Variants in PLXNC1 observed in about 807,000 individuals in gnomAD.
The protein encoded by PLXNC1 is plexin C1.
In PLXNC1, 75 loss-of-function variants were observed where a neutral mutation model predicts 178.2. The ratio of observed to expected loss-of-function variants is 0.42; its 90% CI spans 0.35 to 0.51. PLXNC1 has a LOEUF of 0.51. Ranked by LOEUF, PLXNC1 falls within the 20% of genes least tolerant of loss-of-function variation. The probability of loss-of-function intolerance (pLI) is 0.02; values close to 1 mark genes in which losing one functional copy is unlikely to be tolerated. For synonymous variants in PLXNC1, 790 were observed against 779.9 expected, an observed-to-expected ratio of 1.01 and a Z score of -0.22; for missense variants, 1,503 against 1,984.4, an observed-to-expected ratio of 0.76 and a Z score of 4.61.
At chr12:94,181,412 A>G in intron 2 of PLXNC1, 34 bp from the exon 3 acceptor site, 17 of 1,219,130 alleles carry the variant, frequency 1.4e-5, no homozygotes, top group Non-Finnish European at 2.0e-5. Context: ...TATTAAATAG[A>G]AATCATGTTT....
At chr12:94,194,628 C>G (rs1346471307) in intron 4 of PLXNC1, among the ~76,000 whole-genome samples, 1 of 152,094 alleles carries the variant, frequency 6.6e-6, no homozygotes, top group Non-Finnish European at 1.5e-5. Flanking sequence ...GTGGCGCATG[C>G]CTGTGGTCCC....
chr12:94,165,448 C>T (rs1961574053), intron 1 of PLXNC1, among the ~76,000 whole-genome samples: 2 of 152,188 alleles, frequency 1.3e-5, no homozygotes, highest in Admixed American at 1.3e-4. Flanking sequence ...TCCAAGCCTC[C>T]TCTCCTGTTT....
chr12:94,212,811 C>T (rs1191725112), intron 5 of PLXNC1, among the ~76,000 whole-genome samples: 1 of 151,750 alleles, frequency 6.6e-6, no homozygotes, highest in Non-Finnish European at 1.5e-5. Context: ...GCTCCGCCTC[C>T]CAGGTTCATG....
intron 4 of PLXNC1, among the ~76,000 whole-genome samples, chr12:94,191,860 G>A (rs1388191270): frequency 6.6e-6 from 1 of 151,940 alleles, no homozygotes; most frequent in Non-Finnish European, 1.5e-5. Context: ...TTTTATTGTT[G>A]GAACCTCAGA....
chr12:94,247,828 G>A, intron 12 of PLXNC1, 75 bp from the exon 13 acceptor site: 4 of 1,344,862 alleles, frequency 3.0e-6, no homozygotes, highest in Non-Finnish European at 4.2e-6. Context: ...AAGTTGCTCA[G>A]GTCACTTAGC....
chr12:94,209,600 C>T lies in PLXNC1; in HGVS notation c.1450C>T (p.Gln484Ter), dbSNP rs975803594. The change falls in exon 5 of 31, where the codon CAA (glutamine) becomes TAA (stop). Residue 484 changes from glutamine to a stop codon, truncating the protein, a stop_gained. Coordinates refer to ENST00000258526, the MANE Select transcript of PLXNC1 (RefSeq NM_005761.3). LOFTEE classifies it high-confidence loss of function. ...GCCTCGTTTTTTTAGGTGCACTTTT[C>T]AAGGAGATTGTGTACATTCAGAGAA... ...WCHSLQRCTFQGDCVHSENLE... is the reference protein window; with the variant it reads ...WCHSLQRCTF The T allele has an allele frequency of 6.3e-7, 1 of 1,582,822 alleles. No individual in the cohort carries two copies. The highest frequency in any genetic ancestry group is 8.6e-7 in the Non-Finnish European group (1 of 1,160,394).
At chr12:94,262,629 G>A in intron 20 of PLXNC1, 1 of 985,414 alleles carries the variant, frequency 1.0e-6, no homozygotes, top group Non-Finnish European at 1.2e-6. Context: ...ACTTTCAGTG[G>A]AATAATTCCC....
At chr12:94,190,871 A>G (rs1962695055) in intron 4 of PLXNC1, among the ~76,000 whole-genome samples, 1 of 152,088 alleles carries the variant, frequency 6.6e-6, no homozygotes, top group Admixed American at 6.6e-5. Flanking sequence ...ATTCTTCCCC[A>G]CATCTTTCTA....
At chr12:94,293,936 T>C (rs1300841890) in intron 23 of PLXNC1, among the ~76,000 whole-genome samples, 2 of 152,040 alleles carry the variant, frequency 1.3e-5, no homozygotes, top group East Asian at 1.9e-4. Flanking sequence ...TCTCTTCTTA[T>C]AAGGGCACTA....
intron 4 of PLXNC1, among the ~76,000 whole-genome samples, chr12:94,193,230 C>T (rs1962787507): frequency 6.6e-6 from 1 of 152,114 alleles, no homozygotes; most frequent in Non-Finnish European, 1.5e-5. Flanking sequence ...AAAAGTGCGA[C>T]CAGATCAGGT....
At chr12:94,245,455 A>G (rs1230595989) in intron 12 of PLXNC1, among the ~76,000 whole-genome samples, 1 of 152,110 alleles carries the variant, frequency 6.6e-6, no homozygotes, top group Non-Finnish European at 1.5e-5. Context: ...CCAAGGCGGG[A>G]AGACTGCTTG....
intron 3 of PLXNC1, among the ~76,000 whole-genome samples, chr12:94,183,511 G>T (rs73222673): frequency 6.6e-6 from 1 of 152,172 alleles, no homozygotes. Context: ...TATCAAGGGC[G>T]TCTCAAAACT....
At chr12:94,169,031 T>G (rs559053184) in intron 1 of PLXNC1, 122 bp from the exon 2 acceptor site, 1 of 857,622 alleles carries the variant, frequency 1.2e-6, no homozygotes, top group Non-Finnish European at 1.8e-6. Context: ...TAAGAGAATA[T>G]ATGTGGGGCC....
Position 94,149,404 on chromosome 12 carries a change from A to G in PLXNC1, c.433A>G (p.Asn145Asp), listed in dbSNP as rs1336385163. 1.3e-5 allele frequency: 18 copies of G among 1,433,108 alleles called. No homozygotes were observed. The highest frequency in any genetic ancestry group is 1.5e-5 in the Non-Finnish European group (16 of 1,103,450). 88.8% of individuals were successfully genotyped at this position (1,433,108 alleles called of 1,614,324 possible). A position where few individuals can be genotyped will look rare whatever the true frequency, so the allele number is the denominator to read the frequency against. ...GCGGCCCCTGGGCAACCTGAGCCGC[A>G]ACTCCCTGCGCAACGGCACCGAGGT... ...EVRPLGNLSR[N>D]SLRNGTEVVS... The change falls in exon 1 of 31, where the codon AAC becomes GAC. Residue 145 changes from asparagine (N) to aspartate (D), a missense_variant. Coordinates refer to ENST00000258526, the MANE Select transcript of PLXNC1 (RefSeq NM_005761.3).
At chr12:94,237,831 T>A (rs1197354641) in intron 10 of PLXNC1, 28 bp downstream of exon 10, 3 of 1,608,052 alleles carry the variant, frequency 1.9e-6, no homozygotes, top group Non-Finnish European at 2.5e-6. Flanking sequence ...TAATTTATCC[T>A]CGGTAACGTA....
At chr12:94,265,041 C>T (rs371572206) in intron 20 of PLXNC1, 38 bp from the exon 21 acceptor site, 23 of 1,606,956 alleles carry the variant, frequency 1.4e-5, no homozygotes, top group Non-Finnish European at 5.1e-6. Context: ...CAGTGGATTC[C>T]ACAGAAAGCT....
intron 1 of PLXNC1, among the ~76,000 whole-genome samples, chr12:94,159,211 T>G (rs1961286421): frequency 6.6e-6 from 1 of 152,176 alleles, no homozygotes; most frequent in Admixed American, 6.5e-5. Flanking sequence ...TAGCTAAAAT[T>G]TACAGCTCAC....
intron 23 of PLXNC1, among the ~76,000 whole-genome samples, chr12:94,288,357 C>T (rs1313817835): frequency 6.6e-6 from 1 of 152,206 alleles, no homozygotes; most frequent in Non-Finnish European, 1.5e-5. Context: ...CCAACAGGAT[C>T]ACTCTTGAGT....
chr12:94,223,786 G>A (rs991017271), intron 6 of PLXNC1, among the ~76,000 whole-genome samples: 2 of 152,214 alleles, frequency 1.3e-5, no homozygotes, highest in South Asian at 4.1e-4. Flanking sequence ...TTTAGAGTAT[G>A]TTAGGTAAAT....
Sources: gnomAD v4.1 joint callset for allele counts (sites outside exome capture counted in the v4.1 genomes callset) on GRCh38, gnomAD v4.1.1 for gene constraint, MANE v1.5 for transcripts, NCBI Gene and HGNC (gene_info 2026-07-23, HGNC 2026-07-21) for gene names.